PAFAH1B1: variants seen among roughly 807,000 people sequenced by gnomAD.
PAFAH1B1 encodes the protein platelet-activating factor acetylhydrolase IB subunit beta.
In PAFAH1B1, 2 loss-of-function variants were observed where a neutral mutation model predicts 57.5. That is an observed-to-expected ratio of 0.03 (90% CI 0.01 to 0.11). The LOEUF (loss-of-function observed/expected upper bound fraction) is 0.11, where lower values mean the gene tolerates loss of function less well. Among genes scored for constraint, PAFAH1B1 ranks in the 10% least tolerant of loss-of-function variants. PAFAH1B1 has a pLI of 1.00. For missense variants in PAFAH1B1, 257 were observed against 512.0 expected (o/e 0.50, Z 4.81); for synonymous variants, 152 against 169.6 (o/e 0.90, Z 0.81).
At chr17:2,651,987 A>G (rs1360657301) in intron 2 of PAFAH1B1, among the ~76,000 whole-genome samples, 1 of 152,050 alleles carries the variant, frequency 6.6e-6, no homozygotes, top group Non-Finnish European at 1.5e-5. Flanking sequence ...GCCTCCCCCT[A>G]TTCATCCTTC....
intron 2 of PAFAH1B1, among the ~76,000 whole-genome samples, chr17:2,653,873 A>G (rs1037399539): frequency 1.3e-5 from 2 of 152,148 alleles, no homozygotes; most frequent in African/African-American, 4.8e-5. Flanking sequence ...CAGTGGCGCA[A>G]TCTCGGCTTA....
chr17:2,619,200 C>T (rs1042814906), intron 1 of PAFAH1B1, among the ~76,000 whole-genome samples: 4 of 151,870 alleles, frequency 2.6e-5, no homozygotes, highest in African/African-American at 9.7e-5. Flanking sequence ...CCTAGGCTTT[C>T]GTGTAGCGGC....
At chr17:2,660,349 G>A (rs113846626) in intron 2 of PAFAH1B1, among the ~76,000 whole-genome samples, 19,878 of 151,802 alleles carry the variant, frequency 0.13, 2,107 homozygotes, top group African/African-American at 0.29. Flanking sequence ...CATCACCTAG[G>A]TTTTAAGCTC....
chr17:2,635,767 T>C (rs1349034871), intron 1 of PAFAH1B1, among the ~76,000 whole-genome samples: 2 of 151,944 alleles, frequency 1.3e-5, no homozygotes, highest in African/African-American at 4.8e-5. Flanking sequence ...GGGGTTTTTT[T>C]CTGATTAAAG....
At chr17:2,612,635 A>AG (rs1410330148) in intron 1 of PAFAH1B1, among the ~76,000 whole-genome samples, 1 of 152,166 alleles carries the variant, frequency 6.6e-6, no homozygotes, top group Admixed American at 6.5e-5. Flanking sequence ...TATTTTGAGA[A>AG]GGGGACTCTG....
rs8080128 is a variant in PAFAH1B1, at chr17:2,661,983, G to A, written c.33-3389G>A. The A allele has an allele frequency of 5.1e-3, 772 of 151,064 alleles. 9 individuals carry two copies. The highest frequency in any genetic ancestry group is 3.4e-3 in the African/African-American group (138 of 41,062). The allele number at this position is 151,064 out of a possible 1,614,324, so 9.4% of individuals were successfully genotyped here. On this transcript the variant is annotated intron_variant, in intron 2 of 10. Coordinates refer to ENST00000397195, the MANE Select transcript of PAFAH1B1 (RefSeq NM_000430.4). ...GGAGAATTGCTTGAACCCAGGAGGC[G>A]GAGGTTGCAGTGAGCCGAGCTTGCG...
rs1437296648 is a variant in PAFAH1B1, at chr17:2,682,207, T to C, written c.*405T>C. On this transcript the variant is annotated 3_prime_UTR_variant, in exon 11 of 11. Coordinates refer to ENST00000397195, the MANE Select transcript of PAFAH1B1 (RefSeq NM_000430.4). ...GCCTCATTTGGGGAAAAGTGGTGGT[T>C]ATTAGGGCTTTTTCTGAAATGTGTA... The C allele has an allele frequency of 6.1e-6, 1 of 165,116 alleles. No homozygotes were observed. Among genetic ancestry groups the C allele is most frequent in the Non-Finnish European group, 1.3e-5 (1 of 75,636 alleles). The allele number at this position is 165,116 out of a possible 1,614,324, so 10.2% of individuals were successfully genotyped here. A position where few individuals can be genotyped will look rare whatever the true frequency, so the allele number is the denominator to read the frequency against.
chr17:2,623,799 T>G (rs1394450755), intron 1 of PAFAH1B1, among the ~76,000 whole-genome samples: 1 of 109,892 alleles, frequency 9.1e-6, no homozygotes, highest in Admixed American at 9.0e-5. Context: ...CCACCACTCC[T>G]GGCTAATTTT....
At chr17:2,665,267 C>G in intron 2 of PAFAH1B1, 105 bp from the exon 3 acceptor site, 1 of 737,098 alleles carries the variant, frequency 1.4e-6, no homozygotes, top group Non-Finnish European at 2.4e-6. Context: ...AGGGAATACT[C>G]TTGAAAAGAG....
chr17:2,654,093 C>T (rs2068904172), intron 2 of PAFAH1B1, among the ~76,000 whole-genome samples: 1 of 152,140 alleles, frequency 6.6e-6, no homozygotes, highest in African/African-American at 2.4e-5. Flanking sequence ...AGGCGTGAGC[C>T]ACCATGCCCG....
At position 2,676,310 on chromosome 17, in the gene PAFAH1B1, G is replaced by A. The variant is rs538513924; in HGVS notation, c.901-195G>A. 30 of 525,464 alleles carry A rather than the reference G, an allele frequency of 5.7e-5. No homozygotes were observed. Among genetic ancestry groups the A allele is most frequent in the Non-Finnish European group, 8.2e-5 (24 of 291,232 alleles). The allele number at this position is 525,464 out of a possible 1,614,324, so 32.6% of individuals were successfully genotyped here. On this transcript the variant is annotated intron_variant, in intron 8 of 10. Coordinates refer to ENST00000397195, the MANE Select transcript of PAFAH1B1 (RefSeq NM_000430.4). ...GGAGATTCGCTTGAACCCGGGAGGCGGAGGTTGCAGTGACCCAAGATTGCA... is the reference window on the plus strand; with the variant it reads ...GGAGATTCGCTTGAACCCGGGAGGCAGAGGTTGCAGTGACCCAAGATTGCA...
intron 1 of PAFAH1B1, among the ~76,000 whole-genome samples, chr17:2,618,499 T>G (rs1176327717): frequency 6.6e-6 from 1 of 152,126 alleles, no homozygotes; most frequent in Non-Finnish European, 1.5e-5. Flanking sequence ...ATTTTGTCCT[T>G]CTATGTAATC....
chr17:2,600,104 C>T (rs139594831), intron 1 of PAFAH1B1, among the ~76,000 whole-genome samples: 7,770 of 150,910 alleles, frequency 0.051, 638 homozygotes, highest in African/African-American at 0.17. Context: ...CTCAGTCTCC[C>T]GAGTAGCTGG....
intron 1 of PAFAH1B1, among the ~76,000 whole-genome samples, chr17:2,635,964 A>T (rs1306856484): frequency 2.0e-5 from 3 of 151,656 alleles, no homozygotes; most frequent in Admixed American, 6.6e-5. Flanking sequence ...AAAAAAAAAA[A>T]AAAAAAAAAT....
intron 1 of PAFAH1B1, among the ~76,000 whole-genome samples, chr17:2,601,394 A>G (rs1305422540): frequency 6.6e-6 from 1 of 151,572 alleles, no homozygotes; most frequent in African/African-American, 2.4e-5. Flanking sequence ...TGGCCTCCCA[A>G]AGTGCTAGGA....
intron 1 of PAFAH1B1, among the ~76,000 whole-genome samples, chr17:2,602,435 C>T (rs114312887): frequency 1.5e-4 from 23 of 152,290 alleles, no homozygotes; most frequent in Non-Finnish European, 2.4e-4. Flanking sequence ...TAATACTTTA[C>T]GTGGGACTCA....
chr17:2,657,994 G>C (rs1181935000), intron 2 of PAFAH1B1, among the ~76,000 whole-genome samples: 1 of 152,110 alleles, frequency 6.6e-6, no homozygotes, highest in Non-Finnish European at 1.5e-5. Context: ...TGTACAACCT[G>C]ACTTTGCCTT....
chr17:2,633,407 A>G (rs556637270), intron 1 of PAFAH1B1, among the ~76,000 whole-genome samples: 56 of 151,426 alleles, frequency 3.7e-4, no homozygotes, highest in Admixed American at 1.4e-3. Context: ...ACCTCAGGTA[A>G]TCCACCTGCC....
intron 2 of PAFAH1B1, among the ~76,000 whole-genome samples, chr17:2,638,806 C>G (rs1335845027): frequency 6.6e-6 from 1 of 152,050 alleles, no homozygotes; most frequent in Admixed American, 6.6e-5. Flanking sequence ...CTTTGCCCGG[C>G]CGTGATACAG....
Sources: allele counts gnomAD v4.1 joint callset (sites outside exome capture counted in the v4.1 genomes callset), GRCh38; gene constraint gnomAD v4.1.1; transcripts MANE v1.5; gene names NCBI Gene and HGNC (gene_info 2026-07-23, HGNC 2026-07-21).